CDKAL1: variants seen among roughly 807,000 people sequenced by gnomAD.
The protein encoded by CDKAL1 is threonylcarbamoyladenosine tRNA methylthiotransferase.
Under a neutral mutation model 68.2 loss-of-function variants are expected in CDKAL1, and 32 were observed. That is an observed-to-expected ratio of 0.47 (90% CI 0.35 to 0.63). CDKAL1 has a LOEUF of 0.63. Among genes scored for constraint, CDKAL1 ranks in the 30% least tolerant of loss-of-function variants. The probability of loss-of-function intolerance (pLI) is 0.00; values close to 1 mark genes in which losing one functional copy is unlikely to be tolerated. For synonymous variants in CDKAL1, 234 were observed against 244.3 expected, an observed-to-expected ratio of 0.96 and a Z score of 0.39; for missense variants, 606 against 696.7, an observed-to-expected ratio of 0.87 and a Z score of 1.47.
chr6:21,082,748 T>C (rs1365143953), intron 12 of CDKAL1, among the ~76,000 whole-genome samples: 1 of 152,186 alleles, frequency 6.6e-6, no homozygotes, highest in East Asian at 1.9e-4. Flanking sequence ...TTATCTAAGA[T>C]GATTGAGACC....
chr6:20,980,192 G>GATAGATAGAT (rs1554151282), intron 10 of CDKAL1, among the ~76,000 whole-genome samples: 2 of 148,988 alleles, frequency 1.3e-5, no homozygotes, highest in Non-Finnish European at 3.0e-5. Context: ...TCCAAAGATA[G>GATAGATAGAT]ATAGATATAG....
chr6:20,713,165 T>C (rs916691876), intron 5 of CDKAL1, among the ~76,000 whole-genome samples: 1 of 152,230 alleles, frequency 6.6e-6, no homozygotes, highest in Non-Finnish European at 1.5e-5. Flanking sequence ...CTGATGTTAA[T>C]GCAAAGCATA....
chr6:20,786,210 G>A (rs1775665030), intron 8 of CDKAL1, among the ~76,000 whole-genome samples: 1 of 152,174 alleles, frequency 6.6e-6, no homozygotes, highest in African/African-American at 2.4e-5. Flanking sequence ...GGGTGACAGA[G>A]TGAGATTTCA....
At chr6:20,794,055 G>A (rs901921357) in intron 8 of CDKAL1, among the ~76,000 whole-genome samples, 4 of 151,416 alleles carry the variant, frequency 2.6e-5, no homozygotes, top group East Asian at 1.9e-4. Context: ...GATCCTAGAC[G>A]GCTTTAATTG....
At chr6:21,045,157 A>G (rs921440327) in intron 11 of CDKAL1, among the ~76,000 whole-genome samples, 1 of 152,224 alleles carries the variant, frequency 6.6e-6, no homozygotes, top group African/African-American at 2.4e-5. Flanking sequence ...TTGGCGAAAT[A>G]GCACAGAAAA....
At chr6:21,155,588 C>A (rs9366382) in intron 13 of CDKAL1, among the ~76,000 whole-genome samples, 51,388 of 152,058 alleles carry the variant, frequency 0.34, 9,022 homozygotes, top group African/African-American at 0.43. Flanking sequence ...TAAGAGCAGG[C>A]ACCGTGTCTC....
chr6:20,995,435 A>T (rs1241828868), intron 10 of CDKAL1, among the ~76,000 whole-genome samples: 1 of 152,220 alleles, frequency 6.6e-6, no homozygotes, highest in South Asian at 2.1e-4. Context: ...GAAAGTTGAA[A>T]TTACTCCTTG....
At chr6:20,643,115 C>T (rs755368918) in intron 4 of CDKAL1, among the ~76,000 whole-genome samples, 1 of 152,184 alleles carries the variant, frequency 6.6e-6, no homozygotes. Context: ...GGGGTTCTAA[C>T]GCTCAAATCT....
intron 15 of CDKAL1, among the ~76,000 whole-genome samples, chr6:21,218,899 C>T (rs1376388216): frequency 2.0e-5 from 3 of 152,214 alleles, no homozygotes; most frequent in African/African-American, 4.8e-5. Flanking sequence ...GGATCATCTT[C>T]AGGGCTGCCT....
chr6:20,842,584 C>T (rs1778217970), intron 8 of CDKAL1, among the ~76,000 whole-genome samples: 1 of 152,326 alleles, frequency 6.6e-6, no homozygotes, highest in Middle Eastern at 3.4e-3. Context: ...GTAATCCCAG[C>T]ACTTTGGGAG....
intron 10 of CDKAL1, among the ~76,000 whole-genome samples, chr6:20,963,210 C>T (rs1026901333): frequency 8.5e-5 from 13 of 152,092 alleles, no homozygotes; most frequent in African/African-American, 3.1e-4. Flanking sequence ...TGCTACTTCC[C>T]CTTAGCAAAA....
chr6:20,906,578 A>C (rs1017097186), intron 9 of CDKAL1, among the ~76,000 whole-genome samples: 37 of 152,166 alleles, frequency 2.4e-4, no homozygotes, highest in African/African-American at 8.9e-4. Flanking sequence ...TGTAAGTTGA[A>C]CCATTGTCCA....
chr6:20,561,986 C>A lies in CDKAL1; in HGVS notation c.286+13281C>A, dbSNP rs185654697. On this transcript the variant is annotated intron_variant, in intron 4 of 15. Transcript: ENST00000274695. ...ATGGACACTACAAATTATATTGAAT[C>A]AGAAATCTAATTTAATCCATTCTTA... Among the ~76,000 whole-genome samples the A allele has an allele frequency of 3.6e-3, 554 of 152,196 alleles. 9 individuals are homozygous for A. The Middle Eastern group carries it at 0.044, about 12-fold the overall frequency.
chr6:21,083,887 G>A (rs1164617891), intron 12 of CDKAL1, among the ~76,000 whole-genome samples: 5 of 152,206 alleles, frequency 3.3e-5, no homozygotes, highest in East Asian at 1.9e-4. Context: ...TATATGCTTT[G>A]CCCTCTTAAG....
intron 10 of CDKAL1, among the ~76,000 whole-genome samples, chr6:20,992,031 CTTT>C (rs71530401): frequency 8.0e-5 from 8 of 100,466 alleles, no homozygotes; most frequent in Non-Finnish European, 1.3e-4. Flanking sequence ...TTTTTCTTTT[CTTT>C]TTTTTTTTTT....
At chr6:20,631,007 C>G (rs1431796179) in intron 4 of CDKAL1, among the ~76,000 whole-genome samples, 1 of 152,186 alleles carries the variant, frequency 6.6e-6, no homozygotes, top group Admixed American at 6.5e-5. Context: ...TTAAGTCAAG[C>G]ATTTTAATTG....
intron 7 of CDKAL1, among the ~76,000 whole-genome samples, chr6:20,764,941 A>ATGCCTTAC (rs1774629595): frequency 6.6e-6 from 1 of 152,254 alleles, no homozygotes; most frequent in Admixed American, 6.5e-5. Context: ...ACATGTTAGG[A>ATGCCTTAC]ATACTTTCCA....
chr6:21,139,290 G>T (rs1355255175), intron 13 of CDKAL1, among the ~76,000 whole-genome samples: 1 of 152,078 alleles, frequency 6.6e-6, no homozygotes, highest in Non-Finnish European at 1.5e-5. Flanking sequence ...TTCCCTTCTG[G>T]CAGAAACCCA....
At chr6:20,679,894 G>A (rs1770296290) in intron 5 of CDKAL1, among the ~76,000 whole-genome samples, 2 of 151,992 alleles carry the variant, frequency 1.3e-5, no homozygotes, top group East Asian at 3.8e-4. Context: ...GGTACTGGTT[G>A]ACCCTTTTAA....
Sources: allele counts gnomAD v4.1 joint callset (sites outside exome capture counted in the v4.1 genomes callset), GRCh38; gene constraint gnomAD v4.1.1; transcripts MANE v1.5; gene names NCBI Gene and HGNC (gene_info 2026-07-23, HGNC 2026-07-21).